Variants in PSME3IP1 observed in about 807,000 individuals in gnomAD.
PSME3IP1 encodes PSME3-interacting protein.
Under a neutral mutation model 34.1 loss-of-function variants are expected in PSME3IP1, and 13 were observed. The observed-to-expected ratio is 0.38, with a 90% confidence interval of 0.25 to 0.61. The LOEUF (loss-of-function observed/expected upper bound fraction) is 0.61, where lower values mean the gene tolerates loss of function less well. PSME3IP1 is among the 20% of genes least tolerant of loss of function. PSME3IP1 has a pLI of 0.60. For missense variants in PSME3IP1, 237 were observed against 301.4 expected (o/e 0.79, Z 1.58); for synonymous variants, 93 against 114.3 (o/e 0.81, Z 1.19).
At chr16:57,160,238 C>T (rs890394113) in intron 6 of PSME3IP1, among the ~76,000 whole-genome samples, 3 of 149,944 alleles carry the variant, frequency 2.0e-5, no homozygotes, top group African/African-American at 7.4e-5. Flanking sequence ...TGCAGTGAGC[C>T]GAGATTGCGC....
chr16:57,172,148 C>A, intron 4 of PSME3IP1, 103 bp downstream of exon 4: 1 of 1,236,984 alleles, frequency 8.1e-7, no homozygotes, highest in Non-Finnish European at 1.1e-6. Context: ...CTTGAGAGAT[C>A]ACCAGGTAGA....
chr16:57,184,980 C>T (rs1246021991), intron 1 of PSME3IP1, among the ~76,000 whole-genome samples: 1 of 152,196 alleles, frequency 6.6e-6, no homozygotes, highest in Non-Finnish European at 1.5e-5. Flanking sequence ...GGGTGCCTTC[C>T]ATTTTATGGT....
intron 1 of PSME3IP1, among the ~76,000 whole-genome samples, chr16:57,184,592 A>G (rs1370735656): frequency 6.6e-6 from 1 of 152,240 alleles, no homozygotes; most frequent in Non-Finnish European, 1.5e-5. Context: ...TAGCTGCCAT[A>G]AAGGCATAAT....
chr16:57,163,175 A>C (rs1392403881), intron 6 of PSME3IP1, among the ~76,000 whole-genome samples: 1 of 151,076 alleles, frequency 6.6e-6, no homozygotes, highest in African/African-American at 2.4e-5. Flanking sequence ...AAAAAAAAGA[A>C]AAAAAAAAGT....
chr16:57,174,710 C>T, intron 1 of PSME3IP1: 2 of 984,896 alleles, frequency 2.0e-6, no homozygotes, highest in Non-Finnish European at 2.4e-6. Context: ...GGAAGGTGCA[C>T]AAACCATGAA....
intron 4 of PSME3IP1, among the ~76,000 whole-genome samples, chr16:57,169,036 CT>C (rs1357544781): frequency 3.3e-5 from 5 of 151,944 alleles, no homozygotes; most frequent in African/African-American, 1.2e-4. Context: ...CAACATTTAA[CT>C]TTTTATTCTT....
intron 1 of PSME3IP1, 119 bp downstream of exon 1, chr16:57,185,702 G>C: frequency 8.1e-6 from 8 of 985,488 alleles, no homozygotes; most frequent in Non-Finnish European, 9.6e-6. Flanking sequence ...GACAAGGAGC[G>C]GGTGCGCGGA....
At position 57,172,863 on chromosome 16, in the gene PSME3IP1, C is replaced by T. The variant is rs1363471289; in HGVS notation, c.139G>A (p.Glu47Lys). ...KPEDPEECPE[E>K]VYDPRSLYER... is the part of the protein sequence containing the mutation. ...TATAGAGATCGAGGGTCATAAACCT[C>T]CTCTGGACATTCTGAAAGGAAAAGG... Residue 47 changes from glutamate (E) to lysine (K), a missense_variant, in exon 3 of 7, where the codon GAG becomes AAG. Physicochemically the swap from Glu to Lys is moderately conservative, Grantham distance 56. Coordinates refer to ENST00000309137, the MANE Select transcript of PSME3IP1 (RefSeq NM_024946.4). 2.5e-6 allele frequency: 4 copies of T among 1,608,284 alleles called. No homozygotes were observed. The highest frequency in any genetic ancestry group is 3.4e-6 in the Non-Finnish European group (4 of 1,174,708).
chr16:57,161,287 T>C (rs1163421398), intron 6 of PSME3IP1, among the ~76,000 whole-genome samples: 2 of 152,200 alleles, frequency 1.3e-5, no homozygotes. Context: ...TGATCAAGAC[T>C]GTGTGCTAAT....
chr16:57,157,321 A>AAC (rs1300004094), intron 6 of PSME3IP1, among the ~76,000 whole-genome samples: 2 of 151,090 alleles, frequency 1.3e-5, no homozygotes, highest in Admixed American at 1.3e-4. Flanking sequence ...TCCAAAAAAA[A>AAC]AAAAAAAAAA....
intron 4 of PSME3IP1, among the ~76,000 whole-genome samples, chr16:57,171,109 G>T (rs2072529285): frequency 6.6e-6 from 1 of 152,102 alleles, no homozygotes; most frequent in Non-Finnish European, 1.5e-5. Context: ...AGCAATTTTA[G>T]GTGGGGTGCT....
In PSME3IP1 at chr16:57,153,311, C is replaced by T. The variant is rs1423258387; in HGVS notation, c.*979G>A. On this transcript the variant is annotated 3_prime_UTR_variant, in exon 7 of 7. Coordinates refer to ENST00000309137, the MANE Select transcript of PSME3IP1 (RefSeq NM_024946.4). ...AGCAAAGAAAAGTACTAGGGCAGCA[C>T]CTTTAGGTTAGAAATAGATTCCACA... 3 of 152,136 alleles carry T rather than the reference C, an allele frequency of 2.0e-5. No homozygotes were observed. The highest frequency in any genetic ancestry group is 4.4e-5 in the Non-Finnish European group (3 of 68,010). 9.4% of individuals were successfully genotyped at this position (152,136 alleles called of 1,614,324 possible).
In PSME3IP1 at chr16:57,173,789, A is replaced by G; in HGVS notation, c.66T>C (p.Asp22=). The change falls in exon 2 of 7, where the codon GAT becomes GAC. Residue 22 remains aspartate (D), a synonymous_variant. Transcript: ENST00000309137. ...CTTCTTGCCTCCTTTTGCGCCGTTC[A>G]TCTAGTTCTGCCTCAGACACAAACC... ...KKRFVSEAEL[D]ERRKRRQEEW... is the part of the protein sequence containing the mutation. The G allele has an allele frequency of 6.2e-7, 1 of 1,614,060 alleles. No individual in the cohort carries two copies. Among genetic ancestry groups the G allele is most frequent in the Non-Finnish European group, 8.5e-7 (1 of 1,180,004 alleles).
rs1211506718 is a variant in PSME3IP1 at position 57,182,615 on chromosome 16, T to TC, written c.-16+3205_-16+3206insG. On this transcript the variant is annotated intron_variant, in intron 1 of 6. Transcript: ENST00000309137. ...TAACCAGACAAGGCCAACTAAGATT[T>TC]TTTTTTTTTTTTTTTTTGGCGCAGT... 2.1e-5 allele frequency among the ~76,000 whole-genome samples: 3 copies of TC among 144,524 alleles called. No individual in the cohort carries two copies. In the South Asian group the frequency reaches 6.6e-4, roughly 32 times the overall value. 94.8% of individuals were successfully genotyped at this position (144,524 alleles called of 152,430 possible).
At chr16:57,173,273 C>T (rs938478735) in intron 2 of PSME3IP1, among the ~76,000 whole-genome samples, 3 of 152,170 alleles carry the variant, frequency 2.0e-5, no homozygotes, top group Non-Finnish European at 4.4e-5. Context: ...TGGCTCTGCT[C>T]CCAGCTGTGC....
At chr16:57,177,947 C>G (rs1206700301) in intron 1 of PSME3IP1, among the ~76,000 whole-genome samples, 1 of 152,182 alleles carries the variant, frequency 6.6e-6, no homozygotes, top group Non-Finnish European at 1.5e-5. Flanking sequence ...CATGATCGCA[C>G]CACTGCGCTC....
intron 1 of PSME3IP1, among the ~76,000 whole-genome samples, chr16:57,179,400 T>C (rs1365367662): frequency 2.0e-5 from 3 of 152,220 alleles, no homozygotes; most frequent in Non-Finnish European, 4.4e-5. Flanking sequence ...CCAAAGTAAC[T>C]GGTAACACTG....
intron 3 of PSME3IP1, 39 bp downstream of exon 3, chr16:57,172,737 C>A: frequency 7.0e-7 from 1 of 1,434,788 alleles, no homozygotes; most frequent in South Asian, 1.1e-5. Flanking sequence ...CAAAAGTACC[C>A]CACAGAGCCC....
chr16:57,159,381 T>C (rs958589676), intron 6 of PSME3IP1, among the ~76,000 whole-genome samples: 7 of 152,230 alleles, frequency 4.6e-5, no homozygotes, highest in African/African-American at 7.2e-5. Context: ...CAGGACCACA[T>C]TGTCATACCA....
Sources: allele counts gnomAD v4.1 joint callset (sites outside exome capture counted in the v4.1 genomes callset), GRCh38; gene constraint gnomAD v4.1.1; transcripts MANE v1.5; gene names NCBI Gene and HGNC (gene_info 2026-07-23, HGNC 2026-07-21).